The following RIN3 variants were observed in gnomAD, a reference collection of about 807,000 sequenced individuals.
RIN3 encodes Ras and Rab interactor 3, also known as RAB5 interacting protein 3.
In RIN3, 54 loss-of-function variants were observed where a neutral mutation model predicts 76.3. That is an observed-to-expected ratio of 0.71 (90% CI 0.57 to 0.89). RIN3 has a LOEUF of 0.89. Among genes scored for constraint, RIN3 ranks in the 40% least tolerant of loss-of-function variants. The probability of loss-of-function intolerance (pLI) is 0.00; values close to 1 mark genes in which losing one functional copy is unlikely to be tolerated. For missense variants in RIN3, 1,256 were observed against 1,322.1 expected, an observed-to-expected ratio of 0.95 and a Z score of 0.78; for synonymous variants, 576 against 564.0, an observed-to-expected ratio of 1.02 and a Z score of -0.30.
chr14:92,554,922 CA>C (rs76864062), intron 1 of RIN3, among the ~76,000 whole-genome samples: 6 of 151,134 alleles, frequency 4.0e-5, no homozygotes, highest in South Asian at 2.1e-4. Context: ...GAATCTGTCT[CA>C]AAAAAAAATT....
chr14:92,558,887 C>CTTTTTTTTTTTTTTTTTTTTTTCT (rs61202055), intron 2 of RIN3, among the ~76,000 whole-genome samples: 1 of 130,766 alleles, frequency 7.6e-6, no homozygotes, highest in East Asian at 2.2e-4. Flanking sequence ...CTTTTCTTTT[C>CTTTTTTTTTTTTTTTTTTTTTTCT]TTTTTTTTTT....
intron 9 of RIN3, chr14:92,687,717 A>G (rs566994432): frequency 7.4e-6 from 4 of 539,862 alleles, no homozygotes; most frequent in South Asian, 7.1e-5. Flanking sequence ...TTCATCTCCC[A>G]GAACTGTCGG....
chr14:92,659,036 G>T, intron 6 of RIN3, 125 bp from the exon 7 acceptor site: 1 of 860,102 alleles, frequency 1.2e-6, no homozygotes, highest in Non-Finnish European at 1.9e-6. Context: ...GGGTATAACT[G>T]CTGGGGCTGT....
intron 6 of RIN3, among the ~76,000 whole-genome samples, chr14:92,655,647 T>G (rs1887641587): frequency 6.6e-6 from 1 of 152,200 alleles, no homozygotes; most frequent in African/African-American, 2.4e-5. Context: ...GAGGCTACTG[T>G]CAGAGCCAAG....
rs1896392185 is a variant in RIN3, at chr14:92,514,724, C to T, written c.44+748C>T. Among the ~76,000 whole-genome samples the T allele has an allele frequency of 6.6e-6, 1 of 152,248 alleles. No individual in the cohort carries two copies. The highest frequency in any genetic ancestry group is 1.5e-5 in the Non-Finnish European group (1 of 68,048). ...TCCGCCTCCTTGTCGCCCCCAGCCCCACCTCGCGAGCTCGGGCATTGCTCG... is the reference window on the plus strand; with the variant it reads ...TCCGCCTCCTTGTCGCCCCCAGCCCTACCTCGCGAGCTCGGGCATTGCTCG... On this transcript the variant is annotated intron_variant, in intron 1 of 9. Coordinates refer to ENST00000216487, the MANE Select transcript of RIN3 (RefSeq NM_024832.5). The surrounding 1 kb of genome is among the most constrained non-coding windows in gnomAD (Gnocchi z 7.2).
chr14:92,549,533 G>A (rs942061), intron 1 of RIN3, among the ~76,000 whole-genome samples: 1 of 152,172 alleles, frequency 6.6e-6, no homozygotes, highest in Non-Finnish European at 1.5e-5. Context: ...AGCTATCCAC[G>A]CTGGAGTGGA....
chr14:92,561,175 C>T (rs934666448), intron 2 of RIN3, among the ~76,000 whole-genome samples: 9 of 104,678 alleles, frequency 8.6e-5, no homozygotes, highest in Non-Finnish European at 1.8e-4. Context: ...ATATATATAC[C>T]GACACCATGG....
intron 7 of RIN3, among the ~76,000 whole-genome samples, chr14:92,663,776 G>T (rs1317940715): frequency 1.3e-5 from 2 of 152,206 alleles, no homozygotes; most frequent in Non-Finnish European, 2.9e-5. Context: ...TCCTGGTTTT[G>T]AATCCCAGCT....
intron 4 of RIN3, among the ~76,000 whole-genome samples, chr14:92,626,062 T>C (rs985697128): frequency 6.6e-6 from 1 of 152,238 alleles, no homozygotes; most frequent in Non-Finnish European, 1.5e-5. Context: ...AGAAATTTCA[T>C]GGGCCCTTCA....
chr14:92,682,992 C>T (rs1039355440), intron 8 of RIN3, among the ~76,000 whole-genome samples: 5 of 152,046 alleles, frequency 3.3e-5, no homozygotes, highest in Non-Finnish European at 5.9e-5. Flanking sequence ...ATGGTGAAAC[C>T]GCGTTTCTAC....
rs545431337 is a variant in RIN3, at chr14:92,544,983, G to A, written c.45-10768G>A. Among the ~76,000 whole-genome samples the A allele has an allele frequency of 7.3e-5, 11 of 151,530 alleles. No individual in the cohort carries two copies. The East Asian group carries it at 1.3e-3, about 19-fold the overall frequency. On this transcript the variant is annotated intron_variant, in intron 1 of 9. Transcript: ENST00000216487. ...ACAAACAGGTATAGAACTGTGGTGC[G>A]TGTTTTTTTATACTTTACATAAATG...
chr14:92,628,066 A>G (rs1886422473), intron 4 of RIN3, among the ~76,000 whole-genome samples: 1 of 152,156 alleles, frequency 6.6e-6, no homozygotes, highest in Non-Finnish European at 1.5e-5. Flanking sequence ...GACATCATCA[A>G]AGGAGGCGAG....
chr14:92,664,364 C>CTTTTTTT (rs373597134), intron 7 of RIN3, among the ~76,000 whole-genome samples: 30 of 84,424 alleles, frequency 3.6e-4, no homozygotes, highest in East Asian at 9.6e-4. Flanking sequence ...TTCTTTCTTT[C>CTTTTTTT]TTTTTTTTTT....
intron 1 of RIN3, among the ~76,000 whole-genome samples, chr14:92,546,829 G>A (rs896724210): frequency 6.6e-6 from 1 of 152,010 alleles, no homozygotes. Context: ...AGGTTGGCCA[G>A]TGTCCCCAAA....
chr14:92,580,956 G>A (rs1264429197), intron 3 of RIN3, among the ~76,000 whole-genome samples: 20 of 152,258 alleles, frequency 1.3e-4, no homozygotes, highest in Admixed American at 1.3e-3. Flanking sequence ...TAAGGATAGC[G>A]AGTGTAGGGT....
chr14:92,664,661 A>C (rs10146539), intron 7 of RIN3, among the ~76,000 whole-genome samples: 129,573 of 152,050 alleles, frequency 0.85, 55,331 homozygotes, highest in East Asian at 0.92. Flanking sequence ...TGAGCCACTG[A>C]GCCCGGCCAT....
At chr14:92,613,034 G>C (rs1345825111) in intron 3 of RIN3, among the ~76,000 whole-genome samples, 1 of 152,246 alleles carries the variant, frequency 6.6e-6, no homozygotes, top group Non-Finnish European at 1.5e-5. Context: ...GCAAAGATCA[G>C]GCCGTGCCTC....
In RIN3 at chr14:92,652,390, A is replaced by G. The variant is rs527835684; in HGVS notation, c.1341A>G (p.Pro447=). 1.2e-6 allele frequency: 2 copies of G among 1,612,060 alleles called. No homozygotes were observed. The highest frequency in any genetic ancestry group is 4.5e-5 in the East Asian group (2 of 44,818). Residue 447 remains proline (P), a synonymous_variant, in exon 6 of 10, where the codon CCA becomes CCG. Coordinates refer to ENST00000216487, the MANE Select transcript of RIN3 (RefSeq NM_024832.5). The surrounding 1 kb of genome is among the most constrained non-coding windows in gnomAD (Gnocchi z 6.4). ...AAGCCAGCGATCCTCACAGCATGCC[A>G]GAGCTGCCCAGGACAGCCAAACAAC... ...EVKASDPHSM[P]ELPRTAKQPP... is the part of the protein sequence containing the mutation.
At chr14:92,678,921 G>A (rs1005880281) in intron 8 of RIN3, among the ~76,000 whole-genome samples, 8 of 152,282 alleles carry the variant, frequency 5.3e-5, no homozygotes, top group Non-Finnish European at 8.8e-5. Context: ...CCACAGGCAC[G>A]GTGGCTGAGC....
Sources: allele counts gnomAD v4.1 joint callset (sites outside exome capture counted in the v4.1 genomes callset), GRCh38; gene constraint gnomAD v4.1.1; non-coding constraint Gnocchi (gnomAD v3.1); transcripts MANE v1.5; gene names NCBI Gene and HGNC (gene_info 2026-07-23, HGNC 2026-07-21).